Variants in ZC2HC1B observed in about 807,000 individuals in gnomAD.
ZC2HC1B encodes zinc finger C2HC-type containing 1B.
Under a neutral mutation model 31.0 loss-of-function variants are expected in ZC2HC1B, and 36 were observed. The ratio of observed to expected loss-of-function variants is 1.16; its 90% confidence interval spans 0.89 to 1.54. The LOEUF is 1.54. Ranked by LOEUF, ZC2HC1B falls within the 40% of genes most tolerant of loss-of-function variation. The pLI, the probability that ZC2HC1B is intolerant of heterozygous loss-of-function variation, is 0.00. For synonymous variants in ZC2HC1B, 73 were observed against 88.0 expected, an observed-to-expected ratio of 0.83 and a Z score of 0.95; for missense variants, 260 against 268.6, an observed-to-expected ratio of 0.97 and a Z score of 0.22.
rs1370965097 is a variant in ZC2HC1B at position 143,883,648 on chromosome 6, G to T, written c.29-656G>T. Among the ~76,000 whole-genome samples, 1 of 152,042 alleles carries T rather than the reference G, an allele frequency of 6.6e-6. No individual in the cohort carries two copies. The highest frequency in any genetic ancestry group is 2.4e-5 in the African/African-American group (1 of 41,400). Reference sequence around the variant, plus strand: ...AAGTAATACAAAAAACCTTTTTTCAGAATTTCATAATATTTTGCTTTTCTC... The same window carrying T: ...AAGTAATACAAAAAACCTTTTTTCATAATTTCATAATATTTTGCTTTTCTC... On this transcript the variant is annotated intron_variant, in intron 1 of 7. Coordinates refer to ENST00000237275, the MANE Select transcript of ZC2HC1B (RefSeq NM_001013623.3). The surrounding 1 kb of genome is among the most constrained non-coding windows in gnomAD (Gnocchi z 4.1).
chr6:143,881,291 C>G (rs1286152489), intron 1 of ZC2HC1B, among the ~76,000 whole-genome samples: 1 of 152,038 alleles, frequency 6.6e-6, no homozygotes, highest in Non-Finnish European at 1.5e-5. Flanking sequence ...TGGCTTACAC[C>G]TGCAATCCCA....
chr6:143,937,004 G>C (rs1188090042), intron 6 of ZC2HC1B, among the ~76,000 whole-genome samples: 2 of 152,120 alleles, frequency 1.3e-5, no homozygotes, highest in African/African-American at 4.8e-5. Flanking sequence ...TGAGTAGAAA[G>C]GAGGCTTCTT....
chr6:143,929,705 TTTGTTG>T (rs141901686), intron 6 of ZC2HC1B, among the ~76,000 whole-genome samples: 2,381 of 152,152 alleles, frequency 0.016, 67 homozygotes, highest in African/African-American at 0.053. Context: ...CCTGGGCTCT[TTTGTTG>T]TTGTTGTTGT....
intron 6 of ZC2HC1B, among the ~76,000 whole-genome samples, chr6:143,930,414 T>G (rs1778106066): frequency 6.8e-6 from 1 of 146,434 alleles, no homozygotes; most frequent in Non-Finnish European, 1.5e-5. Flanking sequence ...TGAGACGGAG[T>G]CTTGCTCTGT....
chr6:143,937,886 A>C (rs1718562366), intron 7 of ZC2HC1B, among the ~76,000 whole-genome samples, 153 bp downstream of exon 7: 1 of 152,232 alleles, frequency 6.6e-6, no homozygotes, highest in African/African-American at 2.4e-5. Flanking sequence ...CTCTGCTGTT[A>C]AACATACAGT....
In ZC2HC1B at chr6:143,871,162, C is replaced by T. The variant is rs1277873034; in HGVS notation, c.28+6595C>T. Among the ~76,000 whole-genome samples the T allele has an allele frequency of 6.6e-6, 1 of 152,154 alleles. No homozygotes were observed. Among genetic ancestry groups the T allele is most frequent in the Non-Finnish European group, 1.5e-5 (1 of 68,036 alleles). On this transcript the variant is annotated intron_variant, in intron 1 of 7. Coordinates refer to ENST00000237275, the MANE Select transcript of ZC2HC1B (RefSeq NM_001013623.3). This position sits in a 1 kb window ranked among gnomAD's most constrained non-coding sequence, Gnocchi z 4.1. ...TGGAAGAAGTTCCCTAAATTTTCAT[C>T]AGATTTCCCATCCTCTGGCACGCAA...
intron 1 of ZC2HC1B, 37 bp downstream of exon 1, chr6:143,864,604 C>T (rs1402975994): frequency 6.5e-7 from 1 of 1,549,492 alleles, no homozygotes; most frequent in Non-Finnish European, 8.7e-7. Flanking sequence ...TTAGAAAATG[C>T]CTTCATCTGT....
chr6:143,937,567 T>G, intron 6 of ZC2HC1B, 82 bp from the exon 7 acceptor site: 3 of 1,149,488 alleles, frequency 2.6e-6, no homozygotes, highest in Non-Finnish European at 2.4e-6. Context: ...TTTGAACCCA[T>G]GTGGGGATTT....
intron 5 of ZC2HC1B, among the ~76,000 whole-genome samples, chr6:143,901,132 C>T (rs781122594): frequency 3.3e-5 from 5 of 151,820 alleles, no homozygotes; most frequent in South Asian, 4.1e-4. Flanking sequence ...AGCCACCACA[C>T]GCGGCCTAGA....
At position 143,917,126 on chromosome 6, in the gene ZC2HC1B, T is replaced by C. The variant is rs1223186411; in HGVS notation, c.598+13974T>C. Among the ~76,000 whole-genome samples, 1 of 152,196 alleles carries C rather than the reference T, an allele frequency of 6.6e-6. No homozygotes were observed. The highest frequency in any genetic ancestry group is 1.9e-4 in the East Asian group (1 of 5,198). Reference sequence around the variant, plus strand: ...AGTCTTTCCTGTGCTATTCTCGTGATAGTGAGTAAGTCTCATGAGATCTGA... The same window carrying C: ...AGTCTTTCCTGTGCTATTCTCGTGACAGTGAGTAAGTCTCATGAGATCTGA... On this transcript the variant is annotated intron_variant, in intron 6 of 7. Coordinates refer to ENST00000237275, the MANE Select transcript of ZC2HC1B (RefSeq NM_001013623.3). The surrounding 1 kb of genome is among the most constrained non-coding windows in gnomAD (Gnocchi z 4.1).
At position 143,923,896 on chromosome 6, in the gene ZC2HC1B, G is replaced by GT. The variant is rs1042010205; in HGVS notation, c.599-13744dup. Among the ~76,000 whole-genome samples, 23 of 149,576 alleles carry GT rather than the reference G, an allele frequency of 1.5e-4. No homozygotes were observed. Among genetic ancestry groups the GT allele is most frequent in the Admixed American group, 2.7e-4 (4 of 15,014 alleles). ...TCAGGTATGTGATGCCTCCAGCTTT[G>GT]TTTTTTTTTACTCAGGAACACTATG... On this transcript the variant is annotated intron_variant, in intron 6 of 7. Coordinates refer to ENST00000237275, the MANE Select transcript of ZC2HC1B (RefSeq NM_001013623.3). This position sits in a 1 kb window ranked among gnomAD's most constrained non-coding sequence, Gnocchi z 4.8.
At position 143,921,853 on chromosome 6, in the gene ZC2HC1B, G is replaced by A. The variant is rs1777988312; in HGVS notation, c.599-15796G>A. On this transcript the variant is annotated intron_variant, in intron 6 of 7. Coordinates refer to ENST00000237275, the MANE Select transcript of ZC2HC1B (RefSeq NM_001013623.3). This position sits in a 1 kb window ranked among gnomAD's most constrained non-coding sequence, Gnocchi z 6.1. ...AGACTGAGGTGGGAGGATTGCTTGA[G>A]TCCAGTACAAGTGTTCAAGGCTGCA... Among the ~76,000 whole-genome samples, 1 of 152,172 alleles carries A rather than the reference G, an allele frequency of 6.6e-6. No homozygotes were observed. Among genetic ancestry groups the A allele is most frequent in the Non-Finnish European group, 1.5e-5 (1 of 68,030 alleles).
In ZC2HC1B at chr6:143,895,306, G is replaced by GCGCCCGCCACCA; in HGVS notation, c.350-3240_350-3229dup. On this transcript the variant is annotated intron_variant, in intron 4 of 7. Coordinates refer to ENST00000237275, the MANE Select transcript of ZC2HC1B (RefSeq NM_001013623.3). The surrounding 1 kb of genome is among the most constrained non-coding windows in gnomAD (Gnocchi z 4.8). Reference sequence around the variant, plus strand: ...GCCTCCTGAGTAGCTGGGATTACAGGCGCCCGCCACCACGCCCAGCTGATT... The same window carrying GCGCCCGCCACCA: ...GCCTCCTGAGTAGCTGGGATTACAGGCGCCCGCCACCACGCCCGCCACCACGCCCAGCTGATT... 6.6e-6 allele frequency among the ~76,000 whole-genome samples: 1 copy of GCGCCCGCCACCA among 152,130 alleles called. No homozygotes were observed. The highest frequency in any genetic ancestry group is 6.6e-5 in the Admixed American group (1 of 15,258).
chr6:143,923,915 C>G lies in ZC2HC1B; in HGVS notation c.599-13734C>G, dbSNP rs547772532. Among the ~76,000 whole-genome samples, 5 of 151,380 alleles carry G rather than the reference C, an allele frequency of 3.3e-5. No individual in the cohort carries two copies. Among genetic ancestry groups the G allele is most frequent in the African/African-American group, 1.2e-4 (5 of 41,188 alleles). On this transcript the variant is annotated intron_variant, in intron 6 of 7. Transcript: ENST00000237275. The surrounding 1 kb of genome is among the most constrained non-coding windows in gnomAD (Gnocchi z 4.8). ...AGCTTTGTTTTTTTTTACTCAGGAACACTATGGCTATTTGAGCTCTTTAAT... is the reference window on the plus strand; with the variant it reads ...AGCTTTGTTTTTTTTTACTCAGGAAGACTATGGCTATTTGAGCTCTTTAAT...
rs1021077410 is a variant in ZC2HC1B, at chr6:143,884,662, G to A, written c.90+297G>A. Among the ~76,000 whole-genome samples, 22 of 152,194 alleles carry A rather than the reference G, an allele frequency of 1.4e-4. No homozygotes were observed. The highest frequency in any genetic ancestry group is 2.4e-4 in the Non-Finnish European group (16 of 68,008). On this transcript the variant is annotated intron_variant, in intron 2 of 7. Transcript: ENST00000237275. This position sits in a 1 kb window ranked among gnomAD's most constrained non-coding sequence, Gnocchi z 5.1. Reference sequence around the variant, plus strand: ...CTCTTCCACCTTTTCTTTAAGCATCGAAAATTCAAATTTCAAGGCCAAAGC... The same window carrying A: ...CTCTTCCACCTTTTCTTTAAGCATCAAAAATTCAAATTTCAAGGCCAAAGC...
chr6:143,922,728 A>T lies in ZC2HC1B; in HGVS notation c.599-14921A>T, dbSNP rs954357690. 6.6e-6 allele frequency among the ~76,000 whole-genome samples: 1 copy of T among 151,956 alleles called. No homozygotes were observed. Among genetic ancestry groups the T allele is most frequent in the Non-Finnish European group, 1.5e-5 (1 of 67,948 alleles). On this transcript the variant is annotated intron_variant, in intron 6 of 7. Coordinates refer to ENST00000237275, the MANE Select transcript of ZC2HC1B (RefSeq NM_001013623.3). The surrounding 1 kb of genome is among the most constrained non-coding windows in gnomAD (Gnocchi z 5.0). ...CCACATTTTCTTTTTTTCAAATTTT[A>T]TTCACATGTTTTATTCATTCATCCA...
rs1050435642 is a variant in ZC2HC1B, at chr6:143,876,260, C to G, written c.29-8044C>G. On this transcript the variant is annotated intron_variant, in intron 1 of 7. Transcript: ENST00000237275. Reference sequence around the variant, plus strand: ...ATCATTTTCTTTCATTACTCTGTCCCCTGAACTTAGGAGCAACCAACCAGC... The same window carrying G: ...ATCATTTTCTTTCATTACTCTGTCCGCTGAACTTAGGAGCAACCAACCAGC... 1.7e-4 allele frequency among the ~76,000 whole-genome samples: 25 copies of G among 150,498 alleles called. 1 individual carries two copies. The highest frequency in any genetic ancestry group is 1.5e-4 in the Non-Finnish European group (10 of 67,638).
At position 143,922,372 on chromosome 6, in the gene ZC2HC1B, G is replaced by A. The variant is rs115549683; in HGVS notation, c.599-15277G>A. On this transcript the variant is annotated intron_variant, in intron 6 of 7. Transcript: ENST00000237275. The surrounding 1 kb of genome is among the most constrained non-coding windows in gnomAD (Gnocchi z 5.0). ...GTTATTCTGAAATATGGAATATATT[G>A]TTGTTAACTGCAGTCACCCTACTGT... Among the ~76,000 whole-genome samples, 1,554 of 152,124 alleles carry A rather than the reference G, an allele frequency of 0.01. 27 individuals are homozygous for A. The highest frequency in any genetic ancestry group is 0.036 in the African/African-American group (1,478 of 41,494).
chr6:143,879,009 G>A (rs1172354535), intron 1 of ZC2HC1B, among the ~76,000 whole-genome samples: 1 of 152,196 alleles, frequency 6.6e-6, no homozygotes, highest in Admixed American at 6.5e-5. Flanking sequence ...GACTTGCGGT[G>A]TGGGGCAGGG....
Sources: gnomAD v4.1 joint callset for allele counts (sites outside exome capture counted in the v4.1 genomes callset) on GRCh38, gnomAD v4.1.1 for gene constraint, Gnocchi (gnomAD v3.1) non-coding constraint, MANE v1.5 for transcripts, NCBI Gene and HGNC (gene_info 2026-07-23, HGNC 2026-07-21) for gene names.